The following SEC23IP variants were observed in gnomAD, a reference collection of about 807,000 sequenced individuals.
SEC23IP encodes the protein SEC23 interacting protein, also known as SEC23-interacting protein.
In SEC23IP, 70 loss-of-function variants were observed where a neutral mutation model predicts 113.4. The observed-to-expected ratio is 0.62, with a 90% CI of 0.51 to 0.75. SEC23IP has a LOEUF of 0.75. Among genes scored for constraint, SEC23IP ranks in the 30% least tolerant of loss-of-function variants. The pLI is 0.00. For missense variants in SEC23IP, 1,160 were observed against 1,204.9 expected, an observed-to-expected ratio of 0.96 and a Z score of 0.55; for synonymous variants, 398 against 421.0, an observed-to-expected ratio of 0.95 and a Z score of 0.67.
At chr10:119,903,582 G>A (rs910930962) in intron 3 of SEC23IP, among the ~76,000 whole-genome samples, 1 of 152,082 alleles carries the variant, frequency 6.6e-6, no homozygotes, top group Non-Finnish European at 1.5e-5. Flanking sequence ...TGTTTTTAAA[G>A]TTTGCCCTAG....
chr10:119,935,603 G>A (rs1855751471), intron 18 of SEC23IP, among the ~76,000 whole-genome samples: 1 of 152,152 alleles, frequency 6.6e-6, no homozygotes, highest in South Asian at 2.1e-4. Flanking sequence ...TATCTGTTGA[G>A]CACCTTACTT....
In SEC23IP at chr10:119,909,348, G is replaced by A. The variant is rs149946025; in HGVS notation, c.1191+218G>A. ...AACAAAAACACAAATTTTTCGTAGG[G>A]CGAGGTGCACACCTGTGAGAGGCTG... On this transcript the variant is annotated intron_variant, in intron 5 of 18. Coordinates refer to ENST00000369075, the MANE Select transcript of SEC23IP (RefSeq NM_007190.4). 3.1e-3 allele frequency among the ~76,000 whole-genome samples: 476 copies of A among 152,206 alleles called. 2 individuals are homozygous for A. The highest frequency in any genetic ancestry group is 0.011 in the African/African-American group (453 of 41,518).
intron 12 of SEC23IP, among the ~76,000 whole-genome samples, chr10:119,921,930 C>A (rs565830277): frequency 6.6e-6 from 1 of 150,954 alleles, no homozygotes; most frequent in South Asian, 2.1e-4. Context: ...ACTATAAAGT[C>A]ATAGGACTGA....
At chr10:119,899,990 C>A (rs1356562627) in intron 2 of SEC23IP, among the ~76,000 whole-genome samples, 2 of 151,702 alleles carry the variant, frequency 1.3e-5, no homozygotes. Flanking sequence ...CCATCCCTTT[C>A]TCCTGCCCCT....
chr10:119,912,066 C>T lies in SEC23IP; in HGVS notation c.1214C>T (p.Ser405Phe). Reference sequence around the variant, plus strand: ...AAGGTTATTGTTCAGTTCCAGCCCTCCTCAGTGCCAGATGAATGGGGCACC... The same window carrying T: ...AAGGTTATTGTTCAGTTCCAGCCCTTCTCAGTGCCAGATGAATGGGGCACC... ...NPKVIVQFQP[S>F]SVPDEWGTTQ... The change falls in exon 6 of 19, where the codon TCC (serine) becomes TTC (phenylalanine). Residue 405 changes from serine to phenylalanine, a missense_variant. Ser to Phe is a radical substitution (Grantham distance 155, BLOSUM62 -2). Coordinates refer to ENST00000369075, the MANE Select transcript of SEC23IP (RefSeq NM_007190.4). The T allele has an allele frequency of 6.2e-7, 1 of 1,614,102 alleles. No homozygotes were observed. The highest frequency in any genetic ancestry group is 8.5e-7 in the Non-Finnish European group (1 of 1,179,996).
At chr10:119,911,512 G>A (rs1854862791) in intron 5 of SEC23IP, among the ~76,000 whole-genome samples, 1 of 151,896 alleles carries the variant, frequency 6.6e-6, no homozygotes, top group African/African-American at 2.4e-5. Context: ...ATTTTGCTCT[G>A]TTGCCCAGGC....
At chr10:119,940,264 T>G (rs1855923042) in intron 18 of SEC23IP, among the ~76,000 whole-genome samples, 1 of 150,370 alleles carries the variant, frequency 6.7e-6, no homozygotes, top group South Asian at 2.1e-4. Context: ...CTTGGCTCAC[T>G]GCAAGCTCCG....
At chr10:119,897,094 G>T (rs1273500512) in intron 1 of SEC23IP, among the ~76,000 whole-genome samples, 1 of 152,250 alleles carries the variant, frequency 6.6e-6, no homozygotes, top group Non-Finnish European at 1.5e-5. Flanking sequence ...GAATAAGGCT[G>T]CCTGTTGGCA....
rs765226594 is a variant in SEC23IP, at chr10:119,902,788, G to T, written c.697-11G>T. 4.7e-5 allele frequency: 76 copies of T among 1,611,144 alleles called. No individual in the cohort carries two copies. In the Admixed American group the frequency reaches 1.2e-3, roughly 26 times the overall value. On this transcript the variant is annotated splice_polypyrimidine_tract_variant and intron_variant, in intron 2 of 18. Transcript: ENST00000369075. ...CAAGCATGACAGTCTTAACTTTGCC[G>T]TCCCCTCCAGGTTCCTTCTTCAGTG...
intron 6 of SEC23IP, 143 bp downstream of exon 6, chr10:119,912,307 AT>A (rs1193505682): frequency 8.5e-6 from 8 of 945,710 alleles, no homozygotes; most frequent in Non-Finnish European, 1.2e-5. Context: ...TAATATTTCT[AT>A]TTTTTGTAGA....
intron 12 of SEC23IP, among the ~76,000 whole-genome samples, chr10:119,922,440 T>C (rs1855279237): frequency 6.6e-6 from 1 of 152,188 alleles, no homozygotes; most frequent in Non-Finnish European, 1.5e-5. Flanking sequence ...CATTACAAAA[T>C]GCTGACCTGC....
At chr10:119,899,400 A>T (rs542935243) in intron 2 of SEC23IP, among the ~76,000 whole-genome samples, 2 of 152,242 alleles carry the variant, frequency 1.3e-5, no homozygotes, top group African/African-American at 4.8e-5. Context: ...AGATCAGTCA[A>T]ACTCTATCTA....
intron 5 of SEC23IP, 140 bp from the exon 6 acceptor site, chr10:119,911,904 G>T: frequency 1.0e-6 from 1 of 982,042 alleles, no homozygotes; most frequent in South Asian, 2.0e-5. Flanking sequence ...CTCCTTCAAA[G>T]TTTGTTTTGG....
chr10:119,893,100 TG>T (rs1406828097), intron 1 of SEC23IP, among the ~76,000 whole-genome samples, 155 bp downstream of exon 1: 1 of 152,174 alleles, frequency 6.6e-6, no homozygotes, highest in Non-Finnish European at 1.5e-5. Context: ...TCGGGGGCTT[TG>T]GGATCTTGGA....
rs373429123 is a variant in SEC23IP, at chr10:119,923,013, A to AC, written c.2121+2030dup. On this transcript the variant is annotated intron_variant, in intron 12 of 18. Transcript: ENST00000369075. Reference sequence around the variant, plus strand: ...GAAGCAAAAGCCTATAAAAAAAAAAACAAAAAAAACAAGAAATGAGAAGCT... The same window carrying AC: ...GAAGCAAAAGCCTATAAAAAAAAAAACCAAAAAAAACAAGAAATGAGAAGCT... 5.1e-3 allele frequency among the ~76,000 whole-genome samples: 691 copies of AC among 135,596 alleles called. 3 individuals are homozygous for AC. The highest frequency in any genetic ancestry group is 0.016 in the African/African-American group (631 of 40,316). The allele number at this position is 135,596 out of a possible 152,430, so 89.0% of individuals were successfully genotyped here.
At chr10:119,904,298 T>C in intron 4 of SEC23IP, 21 bp downstream of exon 4, 1 of 1,607,938 alleles carries the variant, frequency 6.2e-7, no homozygotes, top group African/African-American at 1.3e-5. Flanking sequence ...TTTATTTCTT[T>C]ATGAGTTTCT....
At chr10:119,901,942 C>T (rs1854511420) in intron 2 of SEC23IP, among the ~76,000 whole-genome samples, 2 of 152,320 alleles carry the variant, frequency 1.3e-5, no homozygotes, top group South Asian at 2.1e-4. Context: ...CCACCTCAGC[C>T]TCCCAAAGTG....
intron 2 of SEC23IP, among the ~76,000 whole-genome samples, chr10:119,899,399 A>C (rs563152409): frequency 6.6e-5 from 10 of 152,250 alleles, no homozygotes; most frequent in Non-Finnish European, 1.2e-4. Flanking sequence ...TAGATCAGTC[A>C]AACTCTATCT....
At chr10:119,910,772 T>G (rs930086575) in intron 5 of SEC23IP, among the ~76,000 whole-genome samples, 12 of 152,028 alleles carry the variant, frequency 7.9e-5, no homozygotes, top group African/African-American at 2.9e-4. Flanking sequence ...ATCCTCGAAC[T>G]CTGGGCTCAA....
Sources: gnomAD v4.1 joint callset for allele counts (sites outside exome capture counted in the v4.1 genomes callset) on GRCh38, gnomAD v4.1.1 for gene constraint, MANE v1.5 for transcripts, NCBI Gene and HGNC (gene_info 2026-07-23, HGNC 2026-07-21) for gene names.